PECR: variants seen among roughly 807,000 people sequenced by gnomAD.
The protein encoded by PECR is 2,4-dienoyl-CoA reductase-related protein.
Under a neutral mutation model 35.3 loss-of-function variants are expected in PECR, and 30 were observed. The ratio of observed to expected loss-of-function variants is 0.85; its 90% CI spans 0.64 to 1.15. The LOEUF is 1.15. Ranked by LOEUF, PECR falls within the 50% of genes most tolerant of loss-of-function variation. The probability of loss-of-function intolerance (pLI) is 0.00; values close to 1 mark genes in which losing one functional copy is unlikely to be tolerated. For missense variants in PECR, 392 were observed against 370.8 expected (o/e 1.06, Z -0.47); for synonymous variants, 148 against 138.9 (o/e 1.07, Z -0.46).
At chr2:216,044,051 C>A in intron 6 of PECR, 36 bp from the exon 7 acceptor site, 1 of 1,060,150 alleles carries the variant, frequency 9.4e-7, no homozygotes, top group Non-Finnish European at 1.5e-6. Context: ...TAGGTAAAAG[C>A]AAATACTCCC....
At chr2:216,064,030 T>A (rs1197585483) in intron 3 of PECR, 1 of 152,238 alleles carries the variant, frequency 6.6e-6, no homozygotes, top group African/African-American at 2.4e-5. Flanking sequence ...CGGCCAGCCT[T>A]GTATTCTTTA....
chr2:216,031,469 A>G lies in PECR; in HGVS notation c.*440+7722T>C, dbSNP rs146330439. 2.8e-3 allele frequency among the ~76,000 whole-genome samples: 349 copies of G among 126,670 alleles called. 1 individual carries two copies. The highest frequency in any genetic ancestry group is 9.9e-3 in the African/African-American group (325 of 32,840). The allele number at this position is 126,670 out of a possible 152,430, so 83.1% of individuals were successfully genotyped here. On this transcript the variant is annotated intron_variant and NMD_transcript_variant, in intron 7 of 7. Transcript: ENST00000442122. ...AAAGAAAGAAAGAGAGAAAGAAAGA[A>G]AGAAAGAGAAAGAAAGAAAGAAAGA...
chr2:216,049,288 G>A lies in PECR; in HGVS notation c.689C>T (p.Ala230Val), dbSNP rs1559210346. The change falls in exon 6 of 8, where the codon GCT becomes GTT. Residue 230 changes from alanine to valine, a missense_variant. Coordinates refer to ENST00000265322, the MANE Select transcript of PECR (RefSeq NM_018441.6). ...FFEGSFQKIP[A>V]KRIGVPEEVS... ...CTCCTCAGGAACACCAATTCGTTTA[G>A]CGGGGATTTTCTGAAAAGACCCTTC... 6.3e-7 allele frequency: 1 copy of A among 1,577,352 alleles called. No individual in the cohort carries two copies. The highest frequency in any genetic ancestry group is 1.7e-5 in the Admixed American group (1 of 59,992).
At chr2:216,048,980 C>T (rs1401773394) in intron 6 of PECR, among the ~76,000 whole-genome samples, 1 of 151,820 alleles carries the variant, frequency 6.6e-6, no homozygotes, top group East Asian at 1.9e-4. Context: ...TCCTGTGTAC[C>T]AACAAATGCC....
intron 3 of PECR, 150 bp downstream of exon 3, chr2:216,065,162 A>C (rs1010143068): frequency 2.7e-6 from 2 of 731,814 alleles, no homozygotes; most frequent in Non-Finnish European, 5.0e-6. Flanking sequence ...CCAAATTACT[A>C]TACTGAAATG....
chr2:216,038,402 C>T lies in PECR; in HGVS notation c.*873G>A, dbSNP rs1694833765. 6.6e-6 allele frequency: 1 copy of T among 152,082 alleles called. No homozygotes were observed. The highest frequency in any genetic ancestry group is 1.5e-5 in the Non-Finnish European group (1 of 68,024). The allele number at this position is 152,082 out of a possible 1,614,324, so 9.4% of individuals were successfully genotyped here. A position where few individuals can be genotyped will look rare whatever the true frequency, so the allele number is the denominator to read the frequency against. On this transcript the variant is annotated 3_prime_UTR_variant, in exon 8 of 8. Transcript: ENST00000265322. ...ACTGCCAAAAATAAATCACATAAAA[C>T]TTTTTCTTTGAATTAAGAGAATTTA...
At chr2:216,061,869 T>C (rs902009724) in intron 3 of PECR, among the ~76,000 whole-genome samples, 5 of 152,170 alleles carry the variant, frequency 3.3e-5, no homozygotes, top group African/African-American at 1.2e-4. Context: ...ATTGTAATTA[T>C]ATAGAAAACA....
intron 1 of PECR, among the ~76,000 whole-genome samples, chr2:216,080,856 T>G (rs965055285): frequency 1.3e-5 from 2 of 152,214 alleles, no homozygotes; most frequent in Non-Finnish European, 2.9e-5. Context: ...GAGCTCTTTA[T>G]GTATAAGGCT....
At chr2:216,065,823 C>G (rs559420064) in intron 2 of PECR, among the ~76,000 whole-genome samples, 32 of 152,170 alleles carry the variant, frequency 2.1e-4, no homozygotes, top group Non-Finnish European at 4.1e-4. Context: ...TTAAAATGAA[C>G]ATTAAAAAAT....
At chr2:216,052,465 T>C (rs1239925980) in intron 4 of PECR, among the ~76,000 whole-genome samples, 1 of 152,234 alleles carries the variant, frequency 6.6e-6, no homozygotes, top group African/African-American at 2.4e-5. Context: ...TAATTCATCT[T>C]TGTTTTTGAA....
At chr2:216,036,750 T>C (rs1694799641), downstream of PECR, among the ~76,000 whole-genome samples, 1 of 152,156 alleles carries the variant, frequency 6.6e-6, no homozygotes, top group African/African-American at 2.4e-5. Flanking sequence ...TCCCTGCCCT[T>C]ATCCTTCATG....
At chr2:216,068,804 ATTT>A (rs36012588) in intron 1 of PECR, among the ~76,000 whole-genome samples, 23 of 76,116 alleles carry the variant, frequency 3.0e-4, no homozygotes, top group African/African-American at 9.6e-4. Flanking sequence ...TATCTGGCCA[ATTT>A]TTTTTTTTTT....
intron 1 of PECR, among the ~76,000 whole-genome samples, chr2:216,071,585 G>T (rs1400349594): frequency 6.6e-6 from 1 of 152,100 alleles, no homozygotes; most frequent in African/African-American, 2.4e-5. Flanking sequence ...GTGGAGAAGG[G>T]TGCAACTTAC....
At chr2:216,059,103 T>A in intron 3 of PECR, 127 bp from the exon 4 acceptor site, 1 of 701,342 alleles carries the variant, frequency 1.4e-6, no homozygotes, top group Non-Finnish European at 2.6e-6. Context: ...ATAAAAAGCC[T>A]GACTGAGGTA....
At chr2:216,074,541 A>AAAGG (rs138169432) in intron 1 of PECR, among the ~76,000 whole-genome samples, 2,425 of 81,580 alleles carry the variant, frequency 0.03, 47 homozygotes, top group Middle Eastern at 0.066. Context: ...AGGAAGGAAG[A>AAAGG]AAGGAAGGAA....
intron 1 of PECR, among the ~76,000 whole-genome samples, chr2:216,078,736 A>G (rs1005561916): frequency 1.3e-5 from 2 of 152,346 alleles, no homozygotes; most frequent in African/African-American, 2.4e-5. Flanking sequence ...AGAATCTCAG[A>G]CAGATTCATG....
At chr2:216,077,028 T>G (rs1367260377) in intron 1 of PECR, among the ~76,000 whole-genome samples, 1 of 150,090 alleles carries the variant, frequency 6.7e-6, no homozygotes. Flanking sequence ...AGCCTCCGAG[T>G]AATTGGGATT....
chr2:216,055,236 G>A (rs961398901), intron 4 of PECR, among the ~76,000 whole-genome samples: 7 of 151,598 alleles, frequency 4.6e-5, no homozygotes, highest in East Asian at 3.9e-4. Flanking sequence ...TCGGGGGTTC[G>A]AGACCACCCT....
At chr2:216,081,594 T>C in intron 1 of PECR, 24 bp downstream of exon 1, 1 of 1,613,712 alleles carries the variant, frequency 6.2e-7, no homozygotes, top group East Asian at 2.2e-5. Context: ...GCCACCTCTC[T>C]GCACCAGCGG....
Sources: gnomAD v4.1 joint callset for allele counts (sites outside exome capture counted in the v4.1 genomes callset) on GRCh38, gnomAD v4.1.1 for gene constraint, MANE v1.5 for transcripts, NCBI Gene and HGNC (gene_info 2026-07-23, HGNC 2026-07-21) for gene names.